MITF: variants seen among roughly 807,000 people sequenced by gnomAD.
The protein encoded by MITF is melanocyte inducing transcription factor, also known as microphthalmia-associated transcription factor.
A neutral mutation model predicts 60.5 loss-of-function variants in MITF; 17 were observed. That is an observed-to-expected ratio of 0.28 (90% confidence interval 0.19 to 0.42). MITF has a LOEUF of 0.42. MITF is among the 10% of genes least tolerant of loss of function. The probability of loss-of-function intolerance (pLI) is 1.00; values close to 1 mark genes in which losing one functional copy is unlikely to be tolerated. For missense variants in MITF, 622 were observed against 683.5 expected (o/e 0.91, Z 1.00); for synonymous variants, 260 against 248.5 (o/e 1.05, Z -0.43).
intron 1 of MITF, among the ~76,000 whole-genome samples, chr3:69,877,951 C>A (rs115677175): frequency 6.6e-6 from 1 of 151,928 alleles, no homozygotes; most frequent in Non-Finnish European, 1.5e-5. Context: ...GGTTTTGAAC[C>A]GTTGACCTAA....
chr3:69,797,162 G>A (rs1053336967), intron 1 of MITF, among the ~76,000 whole-genome samples: 1 of 152,180 alleles, frequency 6.6e-6, no homozygotes, highest in African/African-American at 2.4e-5. Context: ...AATGCCACAT[G>A]TGAATGGAAA....
At chr3:69,959,052 G>A (rs1017567239) in intron 8 of MITF, among the ~76,000 whole-genome samples, 2 of 151,964 alleles carry the variant, frequency 1.3e-5, no homozygotes, top group Non-Finnish European at 1.5e-5. Context: ...AAGCCTACAC[G>A]TTGGGTACAG....
At chr3:69,777,201 A>G (rs1242647634) in intron 1 of MITF, among the ~76,000 whole-genome samples, 2 of 152,214 alleles carry the variant, frequency 1.3e-5, no homozygotes, top group Non-Finnish European at 2.9e-5. Context: ...AAAAGTCATC[A>G]TATAAACTGT....
At chr3:69,885,866 C>T (rs1252551101) in intron 2 of MITF, among the ~76,000 whole-genome samples, 1 of 152,076 alleles carries the variant, frequency 6.6e-6, no homozygotes, top group Non-Finnish European at 1.5e-5. Context: ...TGTGTCTCCC[C>T]AGGAAAACTG....
chr3:69,920,648 C>A (rs2065445243), intron 2 of MITF, among the ~76,000 whole-genome samples: 1 of 152,166 alleles, frequency 6.6e-6, no homozygotes, highest in Non-Finnish European at 1.5e-5. Flanking sequence ...ACCCATGTGA[C>A]CTTACCTATC....
At chr3:69,954,259 G>T (rs1434313313) in intron 7 of MITF, among the ~76,000 whole-genome samples, 1 of 152,166 alleles carries the variant, frequency 6.6e-6, no homozygotes, top group Non-Finnish European at 1.5e-5. Context: ...ACACATATTT[G>T]TTGAGAGCGT....
chr3:69,758,370 T>C (rs988338947), intron 1 of MITF, among the ~76,000 whole-genome samples: 1 of 151,858 alleles, frequency 6.6e-6, no homozygotes, highest in African/African-American at 2.4e-5. Flanking sequence ...GGGATCTTGC[T>C]TTGTTGCCCA....
intron 1 of MITF, among the ~76,000 whole-genome samples, chr3:69,793,730 G>C (rs1000773521): frequency 3.3e-5 from 5 of 152,178 alleles, no homozygotes; most frequent in Non-Finnish European, 7.3e-5. Flanking sequence ...TGAATGTAAT[G>C]TCACATGCAT....
chr3:69,744,666 A>G (rs1703653178), intron 1 of MITF, among the ~76,000 whole-genome samples: 1 of 152,216 alleles, frequency 6.6e-6, no homozygotes, highest in Non-Finnish European at 1.5e-5. Context: ...CGAACCTGGC[A>G]TTTTGGAAGG....
chr3:69,938,875 C>T (rs941373523), intron 3 of MITF: 2 of 1,442,074 alleles, frequency 1.4e-6, no homozygotes, highest in Non-Finnish European at 1.8e-6. Flanking sequence ...ATCTTTGCCC[C>T]TATGCCCAAA....
chr3:69,809,047 A>C (rs1559643763), intron 1 of MITF, among the ~76,000 whole-genome samples: 1 of 152,026 alleles, frequency 6.6e-6, no homozygotes, highest in South Asian at 2.1e-4. Flanking sequence ...AATTTAAGAG[A>C]TATTTTGGAG....
intron 1 of MITF, among the ~76,000 whole-genome samples, chr3:69,748,889 G>C (rs1242354524): frequency 1.3e-5 from 2 of 152,188 alleles, no homozygotes; most frequent in Non-Finnish European, 2.9e-5. Context: ...AAGAAGACTT[G>C]AGGCAGAGAG....
intron 6 of MITF, among the ~76,000 whole-genome samples, chr3:69,950,203 G>T (rs2066207573): frequency 1.3e-5 from 2 of 151,952 alleles, no homozygotes; most frequent in South Asian, 4.2e-4. Flanking sequence ...GCTGAGGCAG[G>T]CAGATTGCTT....
At chr3:69,950,222 G>T (rs531869000) in intron 6 of MITF, among the ~76,000 whole-genome samples, 1 of 152,008 alleles carries the variant, frequency 6.6e-6, no homozygotes, top group South Asian at 2.1e-4. Flanking sequence ...TTGAGCTCAG[G>T]AGTTCCAGGC....
At chr3:69,853,658 T>C (rs1347158126) in intron 1 of MITF, among the ~76,000 whole-genome samples, 2 of 152,170 alleles carry the variant, frequency 1.3e-5, no homozygotes, top group Non-Finnish European at 2.9e-5. Flanking sequence ...TGCTTTTCAT[T>C]ACACTTTTAG....
At chr3:69,936,569 A>G (rs369388332) in intron 2 of MITF, 7 of 1,485,754 alleles carry the variant, frequency 4.7e-6, no homozygotes, top group African/African-American at 2.8e-5. Context: ...TATTATAAGC[A>G]GGGCTTCTGT....
At chr3:69,857,165 TAA>T (rs1345000735) in intron 1 of MITF, among the ~76,000 whole-genome samples, 2 of 152,052 alleles carry the variant, frequency 1.3e-5, no homozygotes, top group Non-Finnish European at 2.9e-5. Context: ...TACAGACAAG[TAA>T]AGAGGCAACT....
intron 1 of MITF, among the ~76,000 whole-genome samples, chr3:69,877,639 C>G (rs1006316625): frequency 6.6e-6 from 1 of 152,168 alleles, no homozygotes; most frequent in Middle Eastern, 3.4e-3. Context: ...TGAAAATAAG[C>G]GAACTGTTAA....
At chr3:69,826,376 G>C (rs1051460222) in intron 1 of MITF, among the ~76,000 whole-genome samples, 1 of 152,156 alleles carries the variant, frequency 6.6e-6, no homozygotes, top group Non-Finnish European at 1.5e-5. Flanking sequence ...CTTCCTCATT[G>C]CTGTAAGTAG....
Sources: gnomAD v4.1 joint callset for allele counts (sites outside exome capture counted in the v4.1 genomes callset) on GRCh38, gnomAD v4.1.1 for gene constraint, MANE v1.5 for transcripts, NCBI Gene and HGNC (gene_info 2026-07-23, HGNC 2026-07-21) for gene names.